Variants in MMP10 observed in about 807,000 individuals in gnomAD.
MMP10 encodes stromelysin-2.
MMP10 carries 50 observed loss-of-function variants against 49.1 expected under a neutral mutation model. That is an observed-to-expected ratio of 1.02 (90% CI 0.81 to 1.29). The LOEUF (loss-of-function observed/expected upper bound fraction) is 1.29. Among genes scored for constraint, MMP10 ranks in the 50% most tolerant of loss-of-function variants. The pLI is 0.00. For synonymous variants in MMP10, 229 were observed against 201.6 expected, an observed-to-expected ratio of 1.14 and a Z score of -1.15; for missense variants, 613 against 563.8, an observed-to-expected ratio of 1.09 and a Z score of -0.88.
At position 102,770,535 on chromosome 11, in the gene MMP10, A is replaced by G; in HGVS notation, c.*258T>C. ...AGGCCCAAAATAAAACTTTTTATTG[A>G]GGAAGTAATAACACATCTATGAAAA... is the stretch of plus-strand genomic sequence containing the variant. On this transcript the variant is annotated 3_prime_UTR_variant, in exon 10 of 10. Coordinates refer to ENST00000279441, the MANE Select transcript of MMP10 (RefSeq NM_002425.3). 2.8e-6 allele frequency: 1 copy of G among 353,114 alleles called. No homozygotes were observed. The highest frequency in any genetic ancestry group is 5.1e-6 in the Non-Finnish European group (1 of 197,450). The allele number at this position is 353,114 out of a possible 1,614,324, so 21.9% of individuals were successfully genotyped here.
chr11:102,779,075 C>A, intron 3 of MMP10, 138 bp downstream of exon 3: 2 of 1,275,258 alleles, frequency 1.6e-6, no homozygotes, highest in East Asian at 4.9e-5. Context: ...CTGCTGGCAC[C>A]TTAATCTTGG....
In MMP10 at chr11:102,772,949, A is replaced by G. The variant is rs1166838390; in HGVS notation, c.1124T>C (p.Ile375Thr). 2 of 1,613,670 alleles carry G rather than the reference A, an allele frequency of 1.2e-6. No homozygotes were observed. The highest frequency in any genetic ancestry group is 1.3e-5 in the African/African-American group (1 of 74,894). Residue 375 changes from isoleucine (I) to threonine (T), a missense_variant, in exon 8 of 10, where the codon ATC becomes ACC. Transcript: ENST00000279441. The surrounding 1 kb of genome is among the most constrained non-coding windows in gnomAD (Gnocchi z 4.4). ...GGTTGGAGGAAAACCCAGGGTATGG[A>G]TGCCTCTTGGATAACCTGCTTGTAC... ...NEVQAGYPRG[I>T]HTLGFPPTIR...
intron 6 of MMP10, 45 bp from the exon 7 acceptor site, chr11:102,775,366 A>G: frequency 6.6e-7 from 1 of 1,505,808 alleles, no homozygotes; most frequent in Non-Finnish European, 9.0e-7. Context: ...TCTTTTAGAT[A>G]TGTGAAAAAA....
intron 1 of MMP10, among the ~76,000 whole-genome samples, chr11:102,780,195 A>C (rs1423011445): frequency 2.0e-5 from 3 of 152,230 alleles, no homozygotes; most frequent in Admixed American, 2.0e-4. Context: ...TAACTAAATA[A>C]ATTCTAAAGC....
At chr11:102,770,992 T>C in intron 9 of MMP10, 99 bp from the exon 10 acceptor site, 1 of 760,522 alleles carries the variant, frequency 1.3e-6, no homozygotes, top group South Asian at 1.8e-5. Context: ...TGGAGGGCAT[T>C]TATTAAGTGA....
chr11:102,771,028 A>G lies in MMP10; in HGVS notation c.1331-135T>C, dbSNP rs1328364043. The G allele has an allele frequency of 8.7e-6, 5 of 575,256 alleles. No individual in the cohort carries two copies. In the Admixed American group the frequency reaches 1.4e-4, roughly 16 times the overall value. 35.6% of individuals were successfully genotyped at this position (575,256 alleles called of 1,614,324 possible). ...TTACTCTATGCCAAGCACTGAGCTA[A>G]GTGCTTTACATGCTTTATCTCAATT... On this transcript the variant is annotated intron_variant, in intron 9 of 9. Transcript: ENST00000279441.
chr11:102,778,492 G>C, intron 4 of MMP10, 132 bp downstream of exon 4: 1 of 1,147,782 alleles, frequency 8.7e-7, no homozygotes, highest in South Asian at 1.6e-5. Flanking sequence ...CAGTACTTCT[G>C]TTTAAAACTC....
rs202054159 is a variant in MMP10, at chr11:102,778,648, C to T, written c.598G>A (p.Glu200Lys). The change falls in exon 4 of 10, where the codon GAA becomes AAA. Residue 200 changes from glutamate (E) to lysine (K), a missense_variant. Glu to Lys is a moderately conservative substitution (Grantham distance 56). Transcript: ENST00000279441. ...CCTGATGCATCTTCTGTCCATTTTT[C>T]ATCATCATCAAAGTGAATATCTCCA... is the stretch of plus-strand genomic sequence containing the variant. ...LYGDIHFDDD[E>K]KWTEDASGTN... 6 of 1,613,828 alleles carry T rather than the reference C, an allele frequency of 3.7e-6. No individual in the cohort carries two copies. The Admixed American group carries it at 6.7e-5, about 18-fold the overall frequency.
chr11:102,777,917 G>A (rs1038119028), intron 4 of MMP10, among the ~76,000 whole-genome samples: 4 of 151,964 alleles, frequency 2.6e-5, no homozygotes, highest in Non-Finnish European at 4.4e-5. Context: ...AGTGATTCTC[G>A]TGCCTCAGCC....
Position 102,779,074 on chromosome 11 carries a change from C to T in MMP10, c.496+139G>A. ...TCATCAGACACTAAATCTGCTGGCA[C>T]CTTAATCTTGGACTTCCCAGCCTCC... On this transcript the variant is annotated intron_variant, in intron 3 of 9. Transcript: ENST00000279441. The T allele has an allele frequency of 3.2e-6, 4 of 1,261,458 alleles. No individual in the cohort carries two copies. In the South Asian group the frequency reaches 6.2e-5, roughly 20 times the overall value. The allele number at this position is 1,261,458 out of a possible 1,614,324, so 78.1% of individuals were successfully genotyped here. A position where few individuals can be genotyped will look rare whatever the true frequency, so the allele number is the denominator to read the frequency against.
rs1857742203 is a variant in MMP10, at chr11:102,776,607, C to T, written c.787+5G>A. On this transcript the variant is annotated splice_donor_5th_base_variant and intron_variant, in intron 5 of 9. Coordinates refer to ENST00000279441, the MANE Select transcript of MMP10 (RefSeq NM_002425.3). ...GCAATGCCTAATTTTTCCAGCATCA[C>T]TCACCGTAGAGAGACTGAATGCCAT... The T allele has an allele frequency of 6.2e-7, 1 of 1,605,226 alleles. No individual in the cohort carries two copies.
chr11:102,772,181 T>C lies in MMP10; in HGVS notation c.1227-66A>G, dbSNP rs2134347629. On this transcript the variant is annotated intron_variant, in intron 8 of 9. Coordinates refer to ENST00000279441, the MANE Select transcript of MMP10 (RefSeq NM_002425.3). This position sits in a 1 kb window ranked among gnomAD's most constrained non-coding sequence, Gnocchi z 4.4. ...AGTCCCATTACACACAATAGTATAA[T>C]GTGATGTTAATTTTCCAGTGTGGAA... 3.1e-6 allele frequency: 3 copies of C among 983,070 alleles called. No homozygotes were observed. The highest frequency in any genetic ancestry group is 5.1e-5 in the East Asian group (2 of 39,008). 60.9% of individuals were successfully genotyped at this position (983,070 alleles called of 1,614,324 possible).
At chr11:102,776,823 A>G in intron 4 of MMP10, 47 bp from the exon 5 acceptor site, 5 of 1,607,528 alleles carry the variant, frequency 3.1e-6, no homozygotes, top group Non-Finnish European at 4.3e-6. Flanking sequence ...TCTTTCTTCC[A>G]TAAATACACA....
At chr11:102,771,877 A>T (rs1294993382) in intron 9 of MMP10, 135 bp downstream of exon 9, 1 of 669,914 alleles carries the variant, frequency 1.5e-6, no homozygotes, top group Non-Finnish European at 2.6e-6. Flanking sequence ...TTGGAAAGTT[A>T]AGATTTTCAG....
At position 102,776,663 on chromosome 11, in the gene MMP10, C is replaced by A. The variant is rs940458587; in HGVS notation, c.736G>T (p.Ala246Ser). The change falls in exon 5 of 10, where the codon GCC (alanine) becomes TCC (serine). Residue 246 changes from alanine to serine, a missense_variant. Ala to Ser is a moderately conservative substitution (Grantham distance 99). Coordinates refer to ENST00000279441, the MANE Select transcript of MMP10 (RefSeq NM_002425.3). ...YPLYNSFTEL[A>S]QFRLSQDDVN... Reference sequence around the variant, plus strand: ...TCATCTTGCGAAAGGCGGAACTGGGCGAGCTCTGTGAATGAGTTGTAGAGT... The same window carrying A: ...TCATCTTGCGAAAGGCGGAACTGGGAGAGCTCTGTGAATGAGTTGTAGAGT... 8 of 1,613,822 alleles carry A rather than the reference C, an allele frequency of 5.0e-6. No homozygotes were observed. The highest frequency in any genetic ancestry group is 1.1e-5 in the South Asian group (1 of 91,048).
At chr11:102,774,848 C>A (rs1862006292) in intron 7 of MMP10, among the ~76,000 whole-genome samples, 1 of 152,146 alleles carries the variant, frequency 6.6e-6, no homozygotes, top group Non-Finnish European at 1.5e-5. Context: ...AGCATCCTGG[C>A]TATTCTTGGC....
At chr11:102,771,657 G>C (rs757572809) in intron 9 of MMP10, among the ~76,000 whole-genome samples, 10 of 152,192 alleles carry the variant, frequency 6.6e-5, no homozygotes, top group Admixed American at 2.0e-4. Flanking sequence ...GGATGGGATA[G>C]AGTAGAATGA....
chr11:102,779,507 T>C lies in MMP10; in HGVS notation c.344A>G (p.Tyr115Cys). Residue 115 changes from tyrosine to cysteine, a missense_variant, in exon 2 of 10, where the codon TAC becomes TGC. By Grantham distance (194) the Tyr-to-Cys change is radical. Transcript: ENST00000279441. ...MPKWRKTHLTYRIVNYTPDLP... is the reference protein window; with the variant it reads ...MPKWRKTHLTCRIVNYTPDLP... ...GAAAACTAATCTGAACCATTACCTG[T>C]ATGTAAGGTGGGTTTTCCTCCACTT... 1 of 1,614,044 alleles carries C rather than the reference T, an allele frequency of 6.2e-7. No individual in the cohort carries two copies. The highest frequency in any genetic ancestry group is 1.3e-5 in the African/African-American group (1 of 75,040).
intron 4 of MMP10, 77 bp downstream of exon 4, chr11:102,778,547 C>A: frequency 1.3e-6 from 2 of 1,543,780 alleles, no homozygotes; most frequent in Middle Eastern, 1.7e-4. Flanking sequence ...ATTTATTGCT[C>A]GTTCTAGATA....
Sources: allele counts gnomAD v4.1 joint callset (sites outside exome capture counted in the v4.1 genomes callset), GRCh38; gene constraint gnomAD v4.1.1; non-coding constraint Gnocchi (gnomAD v3.1); transcripts MANE v1.5; gene names NCBI Gene and HGNC (gene_info 2026-07-23, HGNC 2026-07-21).